Variants in DGKI observed in about 807,000 individuals in gnomAD.
DGKI encodes DAG kinase iota.
DGKI carries 55 observed loss-of-function variants against 147.5 expected under a neutral mutation model. That is an observed-to-expected ratio of 0.37 (90% confidence interval 0.30 to 0.47). The LOEUF is 0.47. Among genes scored for constraint, DGKI ranks in the 20% least tolerant of loss-of-function variants. The pLI is 1.00. For synonymous variants in DGKI, 469 were observed against 477.1 expected (o/e 0.98, Z 0.22); for missense variants, 1,007 against 1,323.8 (o/e 0.76, Z 3.71).
intron 1 of DGKI, among the ~76,000 whole-genome samples, chr7:137,761,582 T>C (rs1795857790): frequency 6.6e-6 from 1 of 152,146 alleles, no homozygotes; most frequent in African/African-American, 2.4e-5. Flanking sequence ...TTCACCATGT[T>C]CTCCTCTTTC....
chr7:137,699,808 C>T (rs1422624203), intron 1 of DGKI, among the ~76,000 whole-genome samples: 1 of 152,110 alleles, frequency 6.6e-6, no homozygotes, highest in Non-Finnish European at 1.5e-5. Flanking sequence ...CACCTGGACG[C>T]CTATACTGTC....
intron 1 of DGKI, among the ~76,000 whole-genome samples, chr7:137,791,203 A>G (rs1236464991): frequency 6.6e-6 from 1 of 151,592 alleles, no homozygotes; most frequent in African/African-American, 2.4e-5. Flanking sequence ...TATCCACTCT[A>G]TTTCTCCTCC....
intron 1 of DGKI, among the ~76,000 whole-genome samples, chr7:137,831,896 C>A (rs1270904818): frequency 6.6e-6 from 1 of 152,230 alleles, no homozygotes; most frequent in Non-Finnish European, 1.5e-5. Context: ...GTAAATACAG[C>A]CATTCCAAAT....
chr7:137,627,126 A>G (rs536973986), intron 6 of DGKI, among the ~76,000 whole-genome samples: 16 of 152,334 alleles, frequency 1.1e-4, no homozygotes, highest in Non-Finnish European at 2.2e-4. Flanking sequence ...CACTCCCAAC[A>G]TACCATCTAG....
chr7:137,395,129 C>A (rs1811500581), intron 32 of DGKI, among the ~76,000 whole-genome samples: 2 of 152,198 alleles, frequency 1.3e-5, no homozygotes, highest in South Asian at 2.1e-4. Flanking sequence ...AAAGCCAGAT[C>A]CTACCATCCT....
At chr7:137,483,811 A>G (rs1009073772) in intron 23 of DGKI, among the ~76,000 whole-genome samples, 15 of 152,024 alleles carry the variant, frequency 9.9e-5, no homozygotes, top group African/African-American at 3.6e-4. Flanking sequence ...ATTCCATAGT[A>G]TATATGTACC....
At chr7:137,748,086 G>A (rs907181172) in intron 1 of DGKI, among the ~76,000 whole-genome samples, 1 of 152,110 alleles carries the variant, frequency 6.6e-6, no homozygotes, top group African/African-American at 2.4e-5. Context: ...TAGTAAATAA[G>A]CTCTCAATCC....
chr7:137,554,518 T>C (rs28572056), intron 19 of DGKI, among the ~76,000 whole-genome samples: 10,039 of 152,246 alleles, frequency 0.066, 827 homozygotes, highest in African/African-American at 0.2. Flanking sequence ...TTGCCATTTA[T>C]TGACCCAAGA....
intron 6 of DGKI, among the ~76,000 whole-genome samples, chr7:137,625,850 T>G (rs1017831701): frequency 6.6e-6 from 1 of 152,166 alleles, no homozygotes; most frequent in Non-Finnish European, 1.5e-5. Context: ...CCTGCATACC[T>G]AACCCTTCGG....
At chr7:137,645,332 A>T (rs1821785869) in intron 6 of DGKI, 140 bp downstream of exon 6, 2 of 597,004 alleles carry the variant, frequency 3.4e-6, no homozygotes, top group Admixed American at 6.7e-5. Flanking sequence ...ATGCCTCTTA[A>T]GGAGACCTGG....
chr7:137,720,344 A>T (rs1242300276), intron 1 of DGKI, among the ~76,000 whole-genome samples: 3 of 124,272 alleles, frequency 2.4e-5, no homozygotes, highest in Non-Finnish European at 4.7e-5. Context: ...TGCAAGCTCC[A>T]CCTCCCGGGT....
intron 23 of DGKI, among the ~76,000 whole-genome samples, chr7:137,472,820 T>C (rs894075914): frequency 6.6e-6 from 1 of 151,994 alleles, no homozygotes; most frequent in Non-Finnish European, 1.5e-5. Flanking sequence ...ATCTTCTCTA[T>C]GAATAAAGGG....
chr7:137,681,936 C>A (rs973538591), intron 2 of DGKI, among the ~76,000 whole-genome samples: 2 of 152,246 alleles, frequency 1.3e-5, no homozygotes, highest in African/African-American at 4.8e-5. Flanking sequence ...ACAGGACCAA[C>A]CCCCACTTAA....
At chr7:137,558,524 C>T (rs1473518017) in intron 19 of DGKI, among the ~76,000 whole-genome samples, 1 of 152,150 alleles carries the variant, frequency 6.6e-6, no homozygotes, top group Non-Finnish European at 1.5e-5. Context: ...GTGATCCACC[C>T]ACCTTGGCCT....
intron 20 of DGKI, among the ~76,000 whole-genome samples, chr7:137,548,348 A>C (rs1817931695): frequency 6.6e-6 from 1 of 152,166 alleles, no homozygotes; most frequent in African/African-American, 2.4e-5. Context: ...TCTCATGTTG[A>C]AATGGAATCC....
At chr7:137,594,815 C>A (rs1367869157) in intron 12 of DGKI, among the ~76,000 whole-genome samples, 1 of 152,142 alleles carries the variant, frequency 6.6e-6, no homozygotes, top group Non-Finnish European at 1.5e-5. Flanking sequence ...ATTTCATATA[C>A]CCCATGTTTT....
chr7:137,705,729 A>G (rs2116534459), intron 1 of DGKI, among the ~76,000 whole-genome samples: 1 of 152,308 alleles, frequency 6.6e-6, no homozygotes, highest in Admixed American at 6.5e-5. Flanking sequence ...AGAAAAAGGC[A>G]TGTAAATTAA....
intron 1 of DGKI, among the ~76,000 whole-genome samples, chr7:137,695,120 AT>A (rs1823740580): frequency 6.6e-6 from 1 of 152,218 alleles, no homozygotes; most frequent in Admixed American, 6.5e-5. Flanking sequence ...CTTCACAGTG[AT>A]TCTCCAACAT....
chr7:137,794,629 C>T (rs1796968598), intron 1 of DGKI, among the ~76,000 whole-genome samples: 1 of 152,216 alleles, frequency 6.6e-6, no homozygotes, highest in Non-Finnish European at 1.5e-5. Context: ...TGATGCTGCA[C>T]TCTTTGAACC....
Sources: gnomAD v4.1 joint callset for allele counts (sites outside exome capture counted in the v4.1 genomes callset) on GRCh38, gnomAD v4.1.1 for gene constraint, MANE v1.5 for transcripts, NCBI Gene and HGNC (gene_info 2026-07-23, HGNC 2026-07-21) for gene names.